Variants in DIS3L2 observed in about 807,000 individuals in gnomAD.
DIS3L2 encodes DIS3 like 3'-5' exoribonuclease 2, also known as DIS3-like exonuclease 2.
Under a neutral mutation model 97.5 loss-of-function variants are expected in DIS3L2, and 34 were observed. The ratio of observed to expected loss-of-function variants is 0.35; its 90% CI spans 0.27 to 0.46. The LOEUF (loss-of-function observed/expected upper bound fraction) is 0.46. DIS3L2 is among the 20% of genes least tolerant of loss of function. The pLI is 1.00. For missense variants in DIS3L2, 1,038 were observed against 1,146.0 expected, an observed-to-expected ratio of 0.91 and a Z score of 1.36; for synonymous variants, 435 against 445.2, an observed-to-expected ratio of 0.98 and a Z score of 0.29.
At chr2:232,199,793 A>G (rs983018720) in intron 9 of DIS3L2, among the ~76,000 whole-genome samples, 1 of 152,186 alleles carries the variant, frequency 6.6e-6, no homozygotes, top group Non-Finnish European at 1.5e-5. Flanking sequence ...TGGGGGAATG[A>G]TAGAGATGGG....
intron 13 of DIS3L2, among the ~76,000 whole-genome samples, chr2:232,290,141 T>A (rs1694558642): frequency 6.6e-6 from 1 of 152,226 alleles, no homozygotes; most frequent in Non-Finnish European, 1.5e-5. Context: ...GCAGTCATCC[T>A]CTTTGGCCAT....
chr2:231,991,529 G>A (rs920258346), intron 1 of DIS3L2, among the ~76,000 whole-genome samples: 1 of 151,976 alleles, frequency 6.6e-6, no homozygotes, highest in Non-Finnish European at 1.5e-5. Flanking sequence ...CTCAGCCTCC[G>A]AAAGTGCTGG....
chr2:231,972,927 T>C (rs1189138142), intron 1 of DIS3L2, among the ~76,000 whole-genome samples: 1 of 152,236 alleles, frequency 6.6e-6, no homozygotes, highest in Non-Finnish European at 1.5e-5. Context: ...TGCAATTGAT[T>C]TCCTAAAATC....
At chr2:231,964,091 G>A (rs1182909249) in intron 1 of DIS3L2, among the ~76,000 whole-genome samples, 3 of 152,176 alleles carry the variant, frequency 2.0e-5, no homozygotes, top group Non-Finnish European at 4.4e-5. Context: ...TCTTCTGCAT[G>A]TGGCTAGTTA....
At chr2:232,075,921 AGACACTC>A (rs2106292356) in intron 5 of DIS3L2, among the ~76,000 whole-genome samples, 1 of 152,272 alleles carries the variant, frequency 6.6e-6, no homozygotes, top group South Asian at 2.1e-4. Context: ...TTGTGATATT[AGACACTC>A]TTGTCCCCAT....
intron 7 of DIS3L2, among the ~76,000 whole-genome samples, chr2:232,133,959 G>T (rs1346718637): frequency 8.7e-6 from 1 of 114,438 alleles, no homozygotes; most frequent in Non-Finnish European, 1.6e-5. Flanking sequence ...CCGTATTCTA[G>T]CCTGGGTAAC....
intron 1 of DIS3L2, among the ~76,000 whole-genome samples, chr2:231,984,765 G>A (rs575417159): frequency 5.6e-4 from 85 of 152,052 alleles, no homozygotes; most frequent in Non-Finnish European, 1.1e-3. Context: ...GATTACATGC[G>A]TGCGCCACGG....
At chr2:232,029,942 T>C in intron 4 of DIS3L2, 37 bp from the exon 5 acceptor site, 1 of 1,489,164 alleles carries the variant, frequency 6.7e-7, no homozygotes, top group Non-Finnish European at 9.1e-7. Flanking sequence ...TATGTGTTTT[T>C]AAGCTCACTA....
intron 9 of DIS3L2, among the ~76,000 whole-genome samples, chr2:232,182,990 T>C (rs1343417222): frequency 6.6e-6 from 1 of 152,204 alleles, no homozygotes; most frequent in African/African-American, 2.4e-5. Flanking sequence ...AGTTCGTAGG[T>C]TGAAACTCTA....
chr2:232,002,910 A>G (rs1693950362), intron 1 of DIS3L2, among the ~76,000 whole-genome samples: 1 of 152,196 alleles, frequency 6.6e-6, no homozygotes, highest in Non-Finnish European at 1.5e-5. Flanking sequence ...ACCATAGATT[A>G]TCTTTTAGTT....
Position 232,269,476 on chromosome 2 carries a change from T to C in DIS3L2, c.1659+6036T>C, listed in dbSNP as rs572527326. On this transcript the variant is annotated intron_variant, in intron 13 of 20. Coordinates refer to ENST00000325385, the MANE Select transcript of DIS3L2 (RefSeq NM_152383.5). This position sits in a 1 kb window ranked among gnomAD's most constrained non-coding sequence, Gnocchi z 4.5. ...TCTGTTTTCTTAGTCGTAGAGCTTT[T>C]CTATAAATAATATAGGAAAATAATG... Among the ~76,000 whole-genome samples the C allele has an allele frequency of 5.3e-5, 8 of 152,320 alleles. No individual in the cohort carries two copies. In the South Asian group the frequency reaches 1.7e-3, roughly 32 times the overall value.
At chr2:232,302,167 C>T (rs1694873215) in intron 14 of DIS3L2, among the ~76,000 whole-genome samples, 1 of 151,562 alleles carries the variant, frequency 6.6e-6, no homozygotes, top group South Asian at 2.1e-4. Flanking sequence ...TGTTCTCACT[C>T]ATAGGTGGGA....
intron 5 of DIS3L2, among the ~76,000 whole-genome samples, chr2:232,058,228 A>AT (rs1489017612): frequency 6.6e-6 from 1 of 152,092 alleles, no homozygotes; most frequent in Non-Finnish European, 1.5e-5. Context: ...AGATGTAATG[A>AT]TTTTTCACTT....
intron 4 of DIS3L2, among the ~76,000 whole-genome samples, chr2:232,026,763 T>C (rs1012261926): frequency 3.5e-4 from 53 of 152,268 alleles, no homozygotes; most frequent in African/African-American, 1.2e-3. Flanking sequence ...GTAACCTGGC[T>C]TGTTAAAGAA....
downstream of DIS3L2, among the ~76,000 whole-genome samples, chr2:232,341,473 G>A (rs1037551766): frequency 6.6e-6 from 1 of 151,716 alleles, no homozygotes; most frequent in East Asian, 1.9e-4. Context: ...GAAAACAGCA[G>A]TGCAAGCAAG....
chr2:232,138,533 G>A (rs991531270), intron 8 of DIS3L2, among the ~76,000 whole-genome samples: 5 of 151,964 alleles, frequency 3.3e-5, no homozygotes, highest in African/African-American at 9.7e-5. Flanking sequence ...CTCAAATGAC[G>A]TCTGTTGTAT....
chr2:232,307,251 G>C (rs987755868), intron 14 of DIS3L2, among the ~76,000 whole-genome samples: 3 of 152,330 alleles, frequency 2.0e-5, no homozygotes, highest in African/African-American at 7.2e-5. Flanking sequence ...GGCAAATAAT[G>C]CTTGATGAAG....
chr2:232,115,602 C>T (rs915559114), intron 6 of DIS3L2, among the ~76,000 whole-genome samples: 3 of 152,036 alleles, frequency 2.0e-5, no homozygotes, highest in South Asian at 2.1e-4. Context: ...TGCCATGTGT[C>T]GAGGGAGGGA....
chr2:232,245,197 A>G (rs1693215325), intron 11 of DIS3L2, among the ~76,000 whole-genome samples: 1 of 152,214 alleles, frequency 6.6e-6, no homozygotes, highest in Admixed American at 6.5e-5. Flanking sequence ...CCAGTCAGAC[A>G]TGGTGTTCCA....
Sources: gnomAD v4.1 joint callset for allele counts (sites outside exome capture counted in the v4.1 genomes callset) on GRCh38, gnomAD v4.1.1 for gene constraint, Gnocchi (gnomAD v3.1) non-coding constraint, MANE v1.5 for transcripts, NCBI Gene and HGNC (gene_info 2026-07-23, HGNC 2026-07-21) for gene names.